Variants in PRKCH observed in about 807,000 individuals in gnomAD.
PRKCH encodes protein kinase C eta type.
A neutral mutation model predicts 82.5 loss-of-function variants in PRKCH; 28 were observed. The observed-to-expected ratio is 0.34, with a 90% CI of 0.25 to 0.47. The LOEUF (loss-of-function observed/expected upper bound fraction) is 0.47. Ranked by LOEUF, PRKCH falls within the 20% of genes least tolerant of loss-of-function variation. The pLI is 1.00. For missense variants in PRKCH, 705 were observed against 881.8 expected (o/e 0.80, Z 2.54); for synonymous variants, 322 against 327.4 (o/e 0.98, Z 0.18).
At chr14:61,200,669 G>A (rs1291869790) in intron 1 of PRKCH, among the ~76,000 whole-genome samples, 1 of 151,986 alleles carries the variant, frequency 6.6e-6, no homozygotes, top group East Asian at 1.9e-4. Context: ...AGTTACCCAC[G>A]ATTAACCATG....
intron 10 of PRKCH, 143 bp from the exon 11 acceptor site, chr14:61,528,932 G>T: frequency 4.0e-6 from 3 of 747,986 alleles, no homozygotes; most frequent in African/African-American, 1.8e-5. Flanking sequence ...TGTTCCTTTT[G>T]ACGTGTGTAC....
intron 1 of PRKCH, among the ~76,000 whole-genome samples, chr14:61,289,819 C>G (rs1055641174): frequency 2.6e-5 from 4 of 152,172 alleles, no homozygotes; most frequent in Non-Finnish European, 5.9e-5. Context: ...TAGAATGGAG[C>G]TGAGTGAGAA....
intron 12 of PRKCH, among the ~76,000 whole-genome samples, chr14:61,538,160 G>C (rs959308122): frequency 8.5e-5 from 13 of 152,210 alleles, no homozygotes; most frequent in Non-Finnish European, 1.9e-4. Context: ...CAGATCATTA[G>C]GGCTGGTTTT....
intron 10 of PRKCH, among the ~76,000 whole-genome samples, chr14:61,497,220 G>T (rs1886708039): frequency 6.6e-6 from 1 of 152,152 alleles, no homozygotes; most frequent in Admixed American, 6.5e-5. Flanking sequence ...GGTGTTTCCA[G>T]TCTTGGTTCT....
chr14:61,198,199 C>T (rs941950582), intron 1 of PRKCH, among the ~76,000 whole-genome samples: 4 of 152,184 alleles, frequency 2.6e-5, no homozygotes, highest in African/African-American at 9.7e-5. Context: ...TTTATTTTCT[C>T]TGCATTAGCC....
At chr14:61,217,998 A>T (rs1288761979) in intron 1 of PRKCH, among the ~76,000 whole-genome samples, 1 of 152,164 alleles carries the variant, frequency 6.6e-6, no homozygotes, top group Non-Finnish European at 1.5e-5. Context: ...GGCAGAGCTG[A>T]TGTTATGTTC....
Position 61,201,279 on chromosome 14 carries a change from T to C in PRKCH, c.-19+13611T>C, listed in dbSNP as rs1241052870. ...CTTCAAACAATTATTTGAGGGTAGGTATTATTATCTCATTTTTTTCAGATG... is the reference window on the plus strand; with the variant it reads ...CTTCAAACAATTATTTGAGGGTAGGCATTATTATCTCATTTTTTTCAGATG... On this transcript the variant is annotated intron_variant, in intron 1 of 3. Transcript: ENST00000555185. Among the ~76,000 whole-genome samples the C allele has an allele frequency of 2.0e-5, 3 of 152,296 alleles. No homozygotes were observed. The East Asian group carries it at 5.8e-4, about 29-fold the overall frequency.
rs144586357 is a variant in PRKCH, at chr14:61,476,057, C to T, written c.1279-9445C>T. Among the ~76,000 whole-genome samples the T allele has an allele frequency of 2.0e-5, 3 of 152,174 alleles. No individual in the cohort carries two copies. The East Asian group carries it at 5.8e-4, about 29-fold the overall frequency. On this transcript the variant is annotated intron_variant, in intron 9 of 13. Transcript: ENST00000332981. ...AAAGGAAAATATAGCATCAGCAGAC[C>T]TGATTGTCCTACTTAACTCTTCCAC...
chr14:61,281,034 G>GAGCGGCAGCGCGATGCTGGCC, intron 1 of PRKCH: 1 of 1,531,466 alleles, frequency 6.5e-7, no homozygotes, highest in Non-Finnish European at 8.8e-7. Context: ...CGCAGAAGAA[G>GAGCGGCAGCGCGATGCTGGCC]AGCGGCAGCG....
intron 1 of PRKCH, among the ~76,000 whole-genome samples, chr14:61,386,012 A>T (rs2046582320): frequency 6.6e-6 from 1 of 152,260 alleles, no homozygotes; most frequent in Admixed American, 6.5e-5. Flanking sequence ...GAAAGATCAC[A>T]TACCCCAAAT....
At chr14:61,496,066 C>T (rs529461690) in intron 10 of PRKCH, among the ~76,000 whole-genome samples, 1 of 152,254 alleles carries the variant, frequency 6.6e-6, no homozygotes, top group East Asian at 1.9e-4. Flanking sequence ...GGAGAGTGCG[C>T]AGTGGGATCA....
chr14:61,392,624 G>A (rs1357465778), intron 2 of PRKCH, among the ~76,000 whole-genome samples: 1 of 151,966 alleles, frequency 6.6e-6, no homozygotes, highest in East Asian at 1.9e-4. Context: ...GGAGTTCTTT[G>A]TTTTCTGGAT....
chr14:61,259,103 C>T (rs568063376), intron 1 of PRKCH, among the ~76,000 whole-genome samples: 3 of 152,272 alleles, frequency 2.0e-5, no homozygotes, highest in East Asian at 1.9e-4. Flanking sequence ...CTATAAATGC[C>T]GTGATGAATT....
chr14:61,433,410 G>C (rs1391192192), intron 2 of PRKCH, among the ~76,000 whole-genome samples: 7 of 152,156 alleles, frequency 4.6e-5, no homozygotes, highest in Non-Finnish European at 7.4e-5. Flanking sequence ...CCAAACTAAA[G>C]GGCAGGATTC....
intron 1 of PRKCH, among the ~76,000 whole-genome samples, chr14:61,349,760 C>T (rs1215549089): frequency 6.6e-6 from 1 of 152,106 alleles, no homozygotes; most frequent in African/African-American, 2.4e-5. Flanking sequence ...ACTCAGGAGG[C>T]TGAGGCAGGA....
intron 1 of PRKCH, among the ~76,000 whole-genome samples, chr14:61,309,523 C>T (rs1566814552): frequency 6.6e-6 from 1 of 152,286 alleles, no homozygotes; most frequent in East Asian, 1.9e-4. Flanking sequence ...TCATTTAATT[C>T]TGTGCAATTA....
intron 1 of PRKCH, among the ~76,000 whole-genome samples, chr14:61,338,582 G>A (rs1395132577): frequency 6.6e-6 from 1 of 152,152 alleles, no homozygotes; most frequent in Non-Finnish European, 1.5e-5. Context: ...CCATCATCCA[G>A]CACACACTAT....
At chr14:61,449,886 CTCTCTCTCTCTCTCTG>C (rs1157247150) in intron 5 of PRKCH, among the ~76,000 whole-genome samples, 2,066 of 39,738 alleles carry the variant, frequency 0.052, 49 homozygotes, top group Admixed American at 0.3. Context: ...CTCTCTCTCT[CTCTCTCTCTCTCTCTG>C]TGTGTGTGTG....
chr14:61,296,260 AAG>A (rs2140101240), intron 1 of PRKCH, among the ~76,000 whole-genome samples: 1 of 152,322 alleles, frequency 6.6e-6, no homozygotes, highest in East Asian at 1.9e-4. Context: ...GCTGAGATCA[AAG>A]AGCCTTAATC....
Sources: allele counts gnomAD v4.1 joint callset (sites outside exome capture counted in the v4.1 genomes callset), GRCh38; gene constraint gnomAD v4.1.1; transcripts MANE v1.5; gene names NCBI Gene and HGNC (gene_info 2026-07-23, HGNC 2026-07-21).